Variants in KIAA1217 observed in about 807,000 individuals in gnomAD.
The protein encoded by KIAA1217 is sickle tail protein homolog.
In KIAA1217, 88 loss-of-function variants were observed where a neutral mutation model predicts 163.9. The observed-to-expected ratio is 0.54, with a 90% CI of 0.45 to 0.64. KIAA1217 has a LOEUF of 0.64. Among genes scored for constraint, KIAA1217 ranks in the 30% least tolerant of loss-of-function variants. The probability of loss-of-function intolerance (pLI) is 0.00; values close to 1 mark genes in which losing one functional copy is unlikely to be tolerated. For synonymous variants in KIAA1217, 903 were observed against 923.1 expected (o/e 0.98, Z 0.39); for missense variants, 2,372 against 2,475.0 (o/e 0.96, Z 0.88).
chr10:24,188,054 C>A (rs1197484060), intron 2 of KIAA1217, among the ~76,000 whole-genome samples: 1 of 148,930 alleles, frequency 6.7e-6, no homozygotes. Context: ...AAAAATTAGC[C>A]AGGCATGGTG....
At chr10:23,938,428 C>T (rs1045290475) in intron 1 of KIAA1217, among the ~76,000 whole-genome samples, 2 of 151,966 alleles carry the variant, frequency 1.3e-5, no homozygotes, top group African/African-American at 4.8e-5. Flanking sequence ...TATGTATATA[C>T]ACCGAGACCT....
intron 2 of KIAA1217, among the ~76,000 whole-genome samples, chr10:24,222,549 C>G (rs1438086643): frequency 1.3e-5 from 2 of 152,102 alleles, no homozygotes; most frequent in Non-Finnish European, 2.9e-5. Context: ...GGCTGGAGTA[C>G]AGTGGCGCAA....
chr10:24,437,670 T>G (rs1424201922), intron 4 of KIAA1217, among the ~76,000 whole-genome samples: 1 of 152,170 alleles, frequency 6.6e-6, no homozygotes, highest in Non-Finnish European at 1.5e-5. Flanking sequence ...ATCCTGTCTT[T>G]TGCTACGTTA....
chr10:24,434,616 G>T (rs1005687718), intron 4 of KIAA1217, among the ~76,000 whole-genome samples: 12 of 152,198 alleles, frequency 7.9e-5, no homozygotes, highest in Admixed American at 7.9e-4. Flanking sequence ...GATTATAGGC[G>T]TGGGCCACCA....
At chr10:24,366,890 C>T (rs908090438) in intron 2 of KIAA1217, among the ~76,000 whole-genome samples, 8 of 152,206 alleles carry the variant, frequency 5.3e-5, no homozygotes, top group African/African-American at 1.9e-4. Context: ...GCGCCTATGG[C>T]AGGGTATTTT....
chr10:24,371,113 CAGAG>C (rs1169102655), intron 2 of KIAA1217, among the ~76,000 whole-genome samples: 1 of 152,076 alleles, frequency 6.6e-6, no homozygotes, highest in Non-Finnish European at 1.5e-5. Flanking sequence ...GGGGAGGAGT[CAGAG>C]AGCAGTCAAT....
At chr10:23,754,406 A>G (rs550850276) in intron 1 of KIAA1217, among the ~76,000 whole-genome samples, 6 of 152,352 alleles carry the variant, frequency 3.9e-5, no homozygotes, top group African/African-American at 1.4e-4. Context: ...GAGTGTCTTC[A>G]GACTGAAGCT....
intron 2 of KIAA1217, among the ~76,000 whole-genome samples, chr10:24,303,045 G>T (rs1428108783): frequency 6.6e-6 from 1 of 152,082 alleles, no homozygotes; most frequent in Non-Finnish European, 1.5e-5. Context: ...ATAGGGTCTT[G>T]CTCTGTCACC....
At chr10:23,768,420 G>A (rs1834638962) in intron 1 of KIAA1217, among the ~76,000 whole-genome samples, 1 of 152,188 alleles carries the variant, frequency 6.6e-6, no homozygotes, top group Admixed American at 6.5e-5. Context: ...GATCCTGTCT[G>A]GCTTTGCTCA....
At chr10:23,792,952 CTT>C (rs1836023909) in intron 1 of KIAA1217, among the ~76,000 whole-genome samples, 1 of 149,804 alleles carries the variant, frequency 6.7e-6, no homozygotes, top group Non-Finnish European at 1.5e-5. Flanking sequence ...GCCAGTGAGT[CTT>C]CATTCGCCAT....
At chr10:23,745,852 A>G (rs933811878) in intron 1 of KIAA1217, among the ~76,000 whole-genome samples, 7 of 152,158 alleles carry the variant, frequency 4.6e-5, no homozygotes, top group African/African-American at 1.4e-4. Flanking sequence ...AGCAATGAAT[A>G]AAATAATATG....
At chr10:24,204,515 T>C (rs1387743061), upstream of KIAA1217, among the ~76,000 whole-genome samples, 1 of 152,258 alleles carries the variant, frequency 6.6e-6, no homozygotes, top group Non-Finnish European at 1.5e-5. Context: ...TTATAGGGTC[T>C]TTGTTGGGAA....
At position 24,326,974 on chromosome 10, in the gene KIAA1217, G is replaced by A. The variant is rs547416431; in HGVS notation, c.355-53895G>A. 2.6e-5 allele frequency among the ~76,000 whole-genome samples: 4 copies of A among 152,170 alleles called. No homozygotes were observed. The South Asian group carries it at 8.3e-4, about 32-fold the overall frequency. On this transcript the variant is annotated intron_variant, in intron 2 of 20. Coordinates refer to ENST00000376454, the MANE Select transcript of KIAA1217 (RefSeq NM_019590.5). ...GAGAGTGTTTTATGCATACCTTTTG[G>A]TTATGCATAACTTTTGGTTTTCCTT... is the stretch of plus-strand genomic sequence containing the variant.
At chr10:24,293,322 C>T (rs111542371) in intron 2 of KIAA1217, among the ~76,000 whole-genome samples, 67 of 152,326 alleles carry the variant, frequency 4.4e-4, no homozygotes, top group African/African-American at 1.5e-3. Context: ...CTGCCAGCGT[C>T]GGCCTCCCAA....
intron 1 of KIAA1217, among the ~76,000 whole-genome samples, chr10:23,872,386 C>T (rs1840495837): frequency 6.6e-6 from 1 of 152,042 alleles, no homozygotes; most frequent in African/African-American, 2.4e-5. Context: ...AGTTCACTCA[C>T]AGCTTCTAGA....
At chr10:23,899,639 G>A (rs1055051265) in intron 1 of KIAA1217, among the ~76,000 whole-genome samples, 1 of 152,046 alleles carries the variant, frequency 6.6e-6, no homozygotes, top group African/African-American at 2.4e-5. Context: ...AAATCTTGTG[G>A]TCAACAACTT....
chr10:24,321,743 G>A (rs1228794122), intron 2 of KIAA1217, among the ~76,000 whole-genome samples: 2 of 152,132 alleles, frequency 1.3e-5, no homozygotes, highest in Non-Finnish European at 2.9e-5. Flanking sequence ...AAGTAGAATG[G>A]TGATTGCCAG....
rs981789787 is a variant in KIAA1217, at chr10:24,545,098, C to T, written c.5329C>T (p.Arg1777Cys). 4.3e-6 allele frequency: 7 copies of T among 1,613,980 alleles called. No individual in the cohort carries two copies. In the African/African-American group the frequency reaches 6.7e-5, roughly 15 times the overall value. The change falls in exon 20 of 21, where the codon CGT (arginine) becomes TGT (cysteine). Residue 1777 changes from arginine to cysteine, a missense_variant. Arg to Cys is a radical substitution (Grantham distance 180). This residue lies in a region of KIAA1217 where 690 missense variants were observed against 677.5 expected (regional missense o/e 1.02). Transcript: ENST00000376454. ...QSKLQDPRQY[R>C]QANGSAKKSG... ...CAAACTGCAGGATCCCCGCCAATAT[C>T]GTCAGGTAGTTTTACCTTAAACCCA...
At chr10:24,507,377 A>G (rs1456510927) in intron 9 of KIAA1217, among the ~76,000 whole-genome samples, 1 of 152,214 alleles carries the variant, frequency 6.6e-6, no homozygotes, top group Non-Finnish European at 1.5e-5. Flanking sequence ...GGATAATGAA[A>G]TCAGCAGCAA....
Sources: gnomAD v4.1 joint callset for allele counts (sites outside exome capture counted in the v4.1 genomes callset) on GRCh38, gnomAD v4.1.1 for gene constraint, gnomAD v4.1.1 regional missense constraint, MANE v1.5 for transcripts, NCBI Gene and HGNC (gene_info 2026-07-23, HGNC 2026-07-21) for gene names.